The following EXOC6B variants were observed in gnomAD, a reference collection of about 807,000 sequenced individuals.
EXOC6B encodes the protein SEC15 homolog B.
In EXOC6B, 54 loss-of-function variants were observed where a neutral mutation model predicts 113.5. The ratio of observed to expected loss-of-function variants is 0.48; its 90% CI spans 0.38 to 0.60. EXOC6B has a LOEUF of 0.60. Ranked by LOEUF, EXOC6B falls within the 20% of genes least tolerant of loss-of-function variation. EXOC6B has a pLI of 0.00. For missense variants in EXOC6B, 797 were observed against 977.5 expected, an observed-to-expected ratio of 0.82 and a Z score of 2.46; for synonymous variants, 357 against 339.0, an observed-to-expected ratio of 1.05 and a Z score of -0.58.
intron 1 of EXOC6B, among the ~76,000 whole-genome samples, chr2:72,743,850 C>A (rs1031971864): frequency 3.3e-5 from 5 of 152,102 alleles, no homozygotes; most frequent in Non-Finnish European, 7.4e-5. Context: ...AGAAACCACA[C>A]CCCCCACAGG....
At chr2:72,793,493 C>T (rs994387434) in intron 1 of EXOC6B, among the ~76,000 whole-genome samples, 4 of 152,054 alleles carry the variant, frequency 2.6e-5, no homozygotes, top group African/African-American at 7.2e-5. Context: ...AGAAGAACTA[C>T]CAACTAAGAG....
rs1234223467 is a variant in EXOC6B, at chr2:72,411,726, C to T, written c.1981-31856G>A. On this transcript the variant is annotated intron_variant, in intron 18 of 21. Transcript: ENST00000272427. The stretch of plus-strand genomic sequence containing the variant: ...AAACCCCTGAGACAACCAGGAAAAA[C>T]AAATGCAAAATAGCTCAGTAGGTAT... Among the ~76,000 whole-genome samples, 5 of 152,082 alleles carry T rather than the reference C, an allele frequency of 3.3e-5. No individual in the cohort carries two copies. In the East Asian group the frequency reaches 7.7e-4, roughly 23 times the overall value.
At chr2:72,745,711 A>C (rs1041621035) in intron 1 of EXOC6B, among the ~76,000 whole-genome samples, 2 of 152,170 alleles carry the variant, frequency 1.3e-5, no homozygotes, top group South Asian at 2.1e-4. Context: ...CTACCAAAGG[A>C]AGAGGCAATT....
At chr2:72,210,778 C>G (rs1213703001) in intron 20 of EXOC6B, among the ~76,000 whole-genome samples, 1 of 152,174 alleles carries the variant, frequency 6.6e-6, no homozygotes, top group African/African-American at 2.4e-5. Context: ...GATTACAGGT[C>G]TTCAGTGGTG....
chr2:72,561,581 A>C (rs1316473800), intron 7 of EXOC6B, among the ~76,000 whole-genome samples: 1 of 152,112 alleles, frequency 6.6e-6, no homozygotes, highest in Non-Finnish European at 1.5e-5. Flanking sequence ...TGTCAGACCC[A>C]TCCTTGTAGA....
intron 6 of EXOC6B, among the ~76,000 whole-genome samples, chr2:72,612,337 A>G (rs1327885666): frequency 6.6e-6 from 1 of 152,116 alleles, no homozygotes; most frequent in Non-Finnish European, 1.5e-5. Context: ...GTGCCTTAGC[A>G]GCAAAAACTT....
At chr2:72,741,828 C>A (rs1374741228) in intron 1 of EXOC6B, among the ~76,000 whole-genome samples, 1 of 152,204 alleles carries the variant, frequency 6.6e-6, no homozygotes, top group Non-Finnish European at 1.5e-5. Context: ...AAATTGAACA[C>A]AGCTAGAGAA....
chr2:72,626,263 CAAG>C (rs1672043326), intron 6 of EXOC6B, among the ~76,000 whole-genome samples: 1 of 151,998 alleles, frequency 6.6e-6, no homozygotes, highest in Non-Finnish European at 1.5e-5. Context: ...TGTATTTAAT[CAAG>C]AAGAGAAAAA....
chr2:72,354,469 C>A (rs915871576), intron 19 of EXOC6B, among the ~76,000 whole-genome samples: 1 of 152,188 alleles, frequency 6.6e-6, no homozygotes, highest in African/African-American at 2.4e-5. Flanking sequence ...ATTTTCTTGA[C>A]AAGGATGGCA....
intron 1 of EXOC6B, among the ~76,000 whole-genome samples, chr2:72,751,498 T>G (rs565205779): frequency 1.2e-4 from 19 of 152,074 alleles, no homozygotes; most frequent in Non-Finnish European, 2.2e-4. Flanking sequence ...CTCATCAGAC[T>G]TAGATTTTCA....
chr2:72,300,797 C>G (rs1686467362), intron 20 of EXOC6B, among the ~76,000 whole-genome samples: 1 of 152,146 alleles, frequency 6.6e-6, no homozygotes, highest in African/African-American at 2.4e-5. Flanking sequence ...CCCCCGACCC[C>G]TTGCACTTCC....
intron 20 of EXOC6B, among the ~76,000 whole-genome samples, chr2:72,209,243 A>AGAAAAGAAAAG (rs200465533): frequency 2.7e-5 from 3 of 110,674 alleles, no homozygotes; most frequent in African/African-American, 1.1e-4. Context: ...AAAAAAAAAA[A>AGAAAAGAAAAG]AAAAGAAAAG....
At chr2:72,443,319 TCA>T (rs1696341783) in intron 18 of EXOC6B, among the ~76,000 whole-genome samples, 2 of 90,402 alleles carry the variant, frequency 2.2e-5, no homozygotes, top group African/African-American at 6.2e-5. Flanking sequence ...CGAGATTCTG[TCA>T]AAAAAAAAAA....
chr2:72,610,196 T>C (rs1477396429), intron 6 of EXOC6B, among the ~76,000 whole-genome samples: 1 of 152,166 alleles, frequency 6.6e-6, no homozygotes, highest in Admixed American at 6.5e-5. Context: ...ATCAGAAATA[T>C]AAACAGTCAA....
chr2:72,208,172 G>A (rs1441038737), intron 20 of EXOC6B, among the ~76,000 whole-genome samples: 1 of 152,036 alleles, frequency 6.6e-6, no homozygotes, highest in African/African-American at 2.4e-5. Flanking sequence ...TTGGGGTACA[G>A]ATCCCATCAC....
intron 18 of EXOC6B, among the ~76,000 whole-genome samples, chr2:72,460,103 G>A (rs994273919): frequency 1.3e-5 from 2 of 151,932 alleles, no homozygotes; most frequent in Non-Finnish European, 2.9e-5. Context: ...CAAGAAATGG[G>A]GAAAGGATTC....
At chr2:72,744,898 G>A (rs1681598397) in intron 1 of EXOC6B, among the ~76,000 whole-genome samples, 1 of 152,022 alleles carries the variant, frequency 6.6e-6, no homozygotes, top group Non-Finnish European at 1.5e-5. Flanking sequence ...CCTAAGAAAG[G>A]AAATGTGGAT....
At chr2:72,332,007 AT>A (rs1287570721) in intron 20 of EXOC6B, among the ~76,000 whole-genome samples, 9 of 152,102 alleles carry the variant, frequency 5.9e-5, no homozygotes, top group African/African-American at 2.2e-4. Context: ...TATTCATTAA[AT>A]TGATACTGTC....
chr2:72,308,385 G>A (rs1353116898), intron 20 of EXOC6B, among the ~76,000 whole-genome samples: 2 of 152,040 alleles, frequency 1.3e-5, no homozygotes, highest in African/African-American at 4.8e-5. Flanking sequence ...CCTAAACCAA[G>A]AGACCTAAGA....
Sources: allele counts gnomAD v4.1 joint callset (sites outside exome capture counted in the v4.1 genomes callset), GRCh38; gene constraint gnomAD v4.1.1; transcripts MANE v1.5; gene names NCBI Gene and HGNC (gene_info 2026-07-23, HGNC 2026-07-21).